HPGDS: variants seen among roughly 807,000 people sequenced by gnomAD.
HPGDS encodes the protein hematopoietic prostaglandin D synthase.
A neutral mutation model predicts 23.1 loss-of-function variants in HPGDS; 26 were observed. That is an observed-to-expected ratio of 1.13 (90% CI 0.83 to 1.56). HPGDS has a LOEUF of 1.56. HPGDS is among the 40% of genes most tolerant of loss of function. The pLI is 0.00. For missense variants in HPGDS, 268 were observed against 236.4 expected, an observed-to-expected ratio of 1.13 and a Z score of -0.88; for synonymous variants, 95 against 77.9, an observed-to-expected ratio of 1.22 and a Z score of -1.16.
intron 2 of HPGDS, among the ~76,000 whole-genome samples, chr4:94,321,509 T>G (rs750928944): frequency 2.6e-5 from 4 of 152,224 alleles, no homozygotes; most frequent in Non-Finnish European, 5.9e-5. Context: ...CTAGGTATTT[T>G]ATTCTCTTTG....
At chr4:94,312,442 A>T (rs1165158791) in intron 3 of HPGDS, among the ~76,000 whole-genome samples, 3 of 152,228 alleles carry the variant, frequency 2.0e-5, no homozygotes, top group South Asian at 2.1e-4. Context: ...CATGTAGTTG[A>T]GCGGTTTTGA....
chr4:94,334,973 T>G (rs1452583090), intron 1 of HPGDS, among the ~76,000 whole-genome samples: 2 of 152,250 alleles, frequency 1.3e-5, no homozygotes, highest in African/African-American at 4.8e-5. Context: ...AAGATGATTT[T>G]ACCCTCCTTT....
At chr4:94,327,235 G>T (rs1044667778) in intron 2 of HPGDS, among the ~76,000 whole-genome samples, 1 of 152,046 alleles carries the variant, frequency 6.6e-6, no homozygotes, top group African/African-American at 2.4e-5. Context: ...GTGACCTCAG[G>T]CCCCTGGATG....
At chr4:94,311,887 A>G (rs1756281402) in intron 3 of HPGDS, among the ~76,000 whole-genome samples, 1 of 151,432 alleles carries the variant, frequency 6.6e-6, no homozygotes, top group Non-Finnish European at 1.5e-5. Context: ...GTGTCGAGGA[A>G]TGTATCCATT....
chr4:94,300,646 A>G (rs113816560), intron 5 of HPGDS, among the ~76,000 whole-genome samples: 2 of 152,160 alleles, frequency 1.3e-5, no homozygotes, highest in Non-Finnish European at 2.9e-5. Context: ...GCTGGAGAGC[A>G]AGGTAGGATG....
At chr4:94,307,316 A>G (rs1329414397) in intron 4 of HPGDS, among the ~76,000 whole-genome samples, 1 of 152,014 alleles carries the variant, frequency 6.6e-6, no homozygotes, top group Non-Finnish European at 1.5e-5. Context: ...ATAAAAAAAA[A>G]AAAAAAATCC....
intron 3 of HPGDS, among the ~76,000 whole-genome samples, chr4:94,314,723 C>T (rs970263645): frequency 1.1e-4 from 16 of 152,150 alleles, no homozygotes; most frequent in African/African-American, 2.7e-4. Flanking sequence ...TTTGGCTATG[C>T]CCTGCCCCCA....
intron 1 of HPGDS, among the ~76,000 whole-genome samples, chr4:94,340,311 C>CTTTTTCTTTTTTTTTTTT (rs1560598005): frequency 4.2e-5 from 1 of 23,676 alleles, no homozygotes; most frequent in African/African-American, 1.5e-4. Flanking sequence ...CTTTCTTTCT[C>CTTTTTCTTTTTTTTTTTT]TTTTTTTTTT....
At chr4:94,316,379 C>T (rs1328597275) in intron 3 of HPGDS, among the ~76,000 whole-genome samples, 5 of 150,176 alleles carry the variant, frequency 3.3e-5, no homozygotes, top group Non-Finnish European at 7.4e-5. Flanking sequence ...GATTCTACAT[C>T]CACAAATTTT....
Position 94,334,525 on chromosome 4 carries a change from T to G in HPGDS, c.105A>C (p.Glu35Asp). ...LDIQYEDHRIEQADWPEIKST... is the reference protein window; with the variant it reads ...LDIQYEDHRIDQADWPEIKST... ...ATTTGATTTCAGGCCAGTCAGCTTG[T>G]TCTATTCTGTGGTCTTCATACTGTA... The change falls in exon 2 of 6, where the codon GAA becomes GAC. Residue 35 changes from glutamate (E) to aspartate (D), a missense_variant. Glu to Asp is a conservative substitution (Grantham distance 45, BLOSUM62 2). Transcript: ENST00000295256. 1.2e-6 allele frequency: 2 copies of G among 1,607,316 alleles called. No homozygotes were observed. Among genetic ancestry groups the G allele is most frequent in the Non-Finnish European group, 1.7e-6 (2 of 1,177,302 alleles).
rs184759256 is a variant in HPGDS at position 94,315,969 on chromosome 4, C to T, written c.226+1904G>A. 8.3e-4 allele frequency among the ~76,000 whole-genome samples: 126 copies of T among 152,242 alleles called. 1 individual carries two copies. The highest frequency in any genetic ancestry group is 2.9e-3 in the African/African-American group (121 of 41,546). On this transcript the variant is annotated intron_variant, in intron 3 of 5. Coordinates refer to ENST00000295256, the MANE Select transcript of HPGDS (RefSeq NM_014485.3). ...GATATATCTCTGATTACTCTTTTGG[C>T]CCCTGAACATTCTTCCACAAATCCT...
At chr4:94,327,601 T>C (rs1437756882) in intron 2 of HPGDS, among the ~76,000 whole-genome samples, 1 of 152,196 alleles carries the variant, frequency 6.6e-6, no homozygotes, top group East Asian at 1.9e-4. Flanking sequence ...AGGTACATTG[T>C]GGCCCTGATA....
intron 4 of HPGDS, among the ~76,000 whole-genome samples, chr4:94,304,904 G>A (rs1756112340): frequency 6.6e-6 from 1 of 152,054 alleles, no homozygotes; most frequent in Middle Eastern, 3.2e-3. Context: ...AAATAGAAAA[G>A]TAGAGAAGAG....
intron 3 of HPGDS, among the ~76,000 whole-genome samples, chr4:94,316,523 C>A (rs1756402204): frequency 6.7e-6 from 1 of 149,674 alleles, no homozygotes; most frequent in Admixed American, 6.6e-5. Flanking sequence ...AGTTATGCTG[C>A]TTTTCTAGAT....
intron 2 of HPGDS, among the ~76,000 whole-genome samples, chr4:94,321,262 A>G (rs1361044619): frequency 2.0e-5 from 3 of 152,100 alleles, no homozygotes; most frequent in African/African-American, 4.8e-5. Flanking sequence ...TTTTGGTTCC[A>G]TATGAACTTT....
At chr4:94,333,721 G>T (rs1478272695) in intron 2 of HPGDS, among the ~76,000 whole-genome samples, 1 of 152,114 alleles carries the variant, frequency 6.6e-6, no homozygotes, top group Non-Finnish European at 1.5e-5. Context: ...GGTAGAATAG[G>T]GAATGAGGCA....
At chr4:94,307,946 G>T (rs2126036159) in intron 4 of HPGDS, among the ~76,000 whole-genome samples, 1 of 152,214 alleles carries the variant, frequency 6.6e-6, no homozygotes, top group South Asian at 2.1e-4. Flanking sequence ...GAAGCAGAAA[G>T]GATGACTATG....
intron 5 of HPGDS, among the ~76,000 whole-genome samples, chr4:94,300,130 C>A (rs1164154777): frequency 6.6e-6 from 1 of 152,166 alleles, no homozygotes; most frequent in East Asian, 1.9e-4. Context: ...ACTAGTCCTA[C>A]AGAATGTTCT....
chr4:94,311,885 G>A (rs1219356362), intron 3 of HPGDS, among the ~76,000 whole-genome samples: 1 of 149,680 alleles, frequency 6.7e-6, no homozygotes, highest in Non-Finnish European at 1.5e-5. Context: ...ATGTGTCGAG[G>A]AATGTATCCA....
Sources: gnomAD v4.1 joint callset for allele counts (sites outside exome capture counted in the v4.1 genomes callset) on GRCh38, gnomAD v4.1.1 for gene constraint, MANE v1.5 for transcripts, NCBI Gene and HGNC (gene_info 2026-07-23, HGNC 2026-07-21) for gene names.